The following NPC1 variants were observed in gnomAD, a reference collection of about 807,000 sequenced individuals.
The protein encoded by NPC1 is Niemann-Pick C1 protein.
In NPC1, 85 loss-of-function variants were observed where a neutral mutation model predicts 140.4. That is an observed-to-expected ratio of 0.61 (90% CI 0.51 to 0.72). The LOEUF is 0.72. NPC1 is among the 30% of genes least tolerant of loss of function. The pLI, the probability that NPC1 is intolerant of heterozygous loss-of-function variation, is 0.00. For missense variants in NPC1, 1,504 were observed against 1,623.8 expected (o/e 0.93, Z 1.27); for synonymous variants, 656 against 624.8 (o/e 1.05, Z -0.74).
At position 23,541,410 on chromosome 18, in the gene NPC1, C is replaced by T. The variant is rs777156729; in HGVS notation, c.2269G>A (p.Val757Met). 30 of 1,614,102 alleles carry T rather than the reference C, an allele frequency of 1.9e-5. No homozygotes were observed. In the Middle Eastern group the frequency reaches 6.6e-4, roughly 35 times the overall value. ...CCCGCAAAGAGAGAGAAGGTGTGCA[C>T]GGCTGGCATCACGGACAATGCTCCT... is the stretch of plus-strand genomic sequence containing the variant. ...FLGALSVMPA[V>M]HTFSLFAGLA... Residue 757 changes from valine to methionine, a missense_variant, in exon 15 of 25, where the codon GTG becomes ATG. Coordinates refer to ENST00000269228, the MANE Select transcript of NPC1 (RefSeq NM_000271.5).
intron 16 of NPC1, among the ~76,000 whole-genome samples, 189 bp downstream of exon 16, chr18:23,540,879 G>A (rs957174965): frequency 2.6e-5 from 4 of 152,044 alleles, no homozygotes; most frequent in Non-Finnish European, 5.9e-5. Context: ...TAAAACTCTT[G>A]TTTATATGGA....
chr18:23,545,015 A>G lies in NPC1; in HGVS notation c.1892T>C (p.Met631Thr), dbSNP rs2058768692. Residue 631 changes from methionine to threonine, a missense_variant, in exon 12 of 25, where the codon ATG becomes ACG. Coordinates refer to ENST00000269228, the MANE Select transcript of NPC1 (RefSeq NM_000271.5). ...VFTVVISYAIMFLYISLALGH... is the reference protein window; with the variant it reads ...VFTVVISYAITFLYISLALGH... ...CAAGGCTAGGGAAATATATAGAAAC[A>G]TGATGGCATAGCTAATTACAACGGT... The G allele has an allele frequency of 6.3e-7, 1 of 1,591,088 alleles. No homozygotes were observed. Among genetic ancestry groups the G allele is most frequent in the Non-Finnish European group, 8.6e-7 (1 of 1,165,918 alleles).
chr18:23,542,269 T>C (rs2058723647), intron 14 of NPC1, among the ~76,000 whole-genome samples: 1 of 151,866 alleles, frequency 6.6e-6, no homozygotes, highest in South Asian at 2.1e-4. Flanking sequence ...TTTTTTTTTT[T>C]TTTCTGCACC....
chr18:23,565,957 C>T (rs571117899), intron 4 of NPC1, among the ~76,000 whole-genome samples: 2 of 152,174 alleles, frequency 1.3e-5, no homozygotes, highest in South Asian at 4.1e-4. Flanking sequence ...CTGAGTAATT[C>T]CCTCGTATCT....
chr18:23,552,783 G>A (rs185930264), intron 9 of NPC1, among the ~76,000 whole-genome samples: 1 of 152,352 alleles, frequency 6.6e-6, no homozygotes, highest in African/African-American at 2.4e-5. Context: ...GTGACCTGCA[G>A]CGAGCAGCTG....
Position 23,556,446 on chromosome 18 carries a change from T to TTGTGACCCGGACAAACACCAGGCC in NPC1, c.1099_1122dup (p.Gly367_Thr374dup). On this transcript the variant is annotated inframe_insertion, in exon 8 of 25. Coordinates refer to ENST00000269228, the MANE Select transcript of NPC1 (RefSeq NM_000271.5). ...GCTGACCAGAGGTCAACTGGATTGGTTGTGACCCGGACAAACACCAGGCCT... is the reference window on the plus strand; with the variant it reads ...GCTGACCAGAGGTCAACTGGATTGGTTGTGACCCGGACAAACACCAGGCCTGTGACCCGGACAAACACCAGGCCT... The TTGTGACCCGGACAAACACCAGGCC allele has an allele frequency of 6.2e-7, 1 of 1,614,050 alleles. No homozygotes were observed. The highest frequency in any genetic ancestry group is 8.5e-7 in the Non-Finnish European group (1 of 1,180,004).
intron 10 of NPC1, among the ~76,000 whole-genome samples, chr18:23,549,977 T>G (rs1162607769): frequency 3.3e-5 from 5 of 151,770 alleles, no homozygotes; most frequent in African/African-American, 1.2e-4. Flanking sequence ...TCTTTATTTA[T>G]TAAGAAAATG....
intron 20 of NPC1, 66 bp from the exon 21 acceptor site, chr18:23,536,942 C>A: frequency 1.5e-6 from 2 of 1,379,150 alleles, no homozygotes; most frequent in Non-Finnish European, 2.0e-6. Context: ...AATCTGAGCA[C>A]TTGAGGCTAA....
intron 3 of NPC1, chr18:23,507,050 C>A (rs749537209): frequency 6.3e-7 from 1 of 1,597,754 alleles, no homozygotes; most frequent in Admixed American, 1.7e-5. Flanking sequence ...ACCTCAAAGA[C>A]TGTGGTAAGA....
Position 23,531,713 on chromosome 18 carries a change from G to A in NPC1, c.*489C>T. The A allele has an allele frequency of 6.3e-7, 1 of 1,599,842 alleles. No homozygotes were observed. The highest frequency in any genetic ancestry group is 8.5e-7 in the Non-Finnish European group (1 of 1,176,476). ...GGCCTACAACATTCTGAAATCACTT[G>A]CTGTTTTTTTATATAAAAATGTGTA... On this transcript the variant is annotated 3_prime_UTR_variant, in exon 25 of 25. Transcript: ENST00000269228.
chr18:23,540,558 T>TA lies in NPC1; in HGVS notation c.2515-22dup, dbSNP rs751722320. ...GCTATCTGGAACAACAAATGAATCATAAGACAGAGACTGCTTAGTAAATAA... is the reference window on the plus strand; with the variant it reads ...GCTATCTGGAACAACAAATGAATCATAAAGACAGAGACTGCTTAGTAAATAA... On this transcript the variant is annotated intron_variant, in intron 16 of 24. Transcript: ENST00000269228. The TA allele has an allele frequency of 1.1e-3, 1,703 of 1,522,952 alleles. 1 individual carries two copies. Among genetic ancestry groups the TA allele is most frequent in the Non-Finnish European group, 1.5e-3 (1,617 of 1,097,164 alleles). 94.3% of individuals were successfully genotyped at this position (1,522,952 alleles called of 1,614,324 possible).
chr18:23,545,479 G>A (rs964702695), intron 11 of NPC1, among the ~76,000 whole-genome samples: 1 of 152,212 alleles, frequency 6.6e-6, no homozygotes, highest in East Asian at 1.9e-4. Context: ...CTGACCTCAA[G>A]TGATCCACCT....
chr18:23,571,008 GAGC>G (rs1441306330), intron 3 of NPC1, among the ~76,000 whole-genome samples: 1 of 152,126 alleles, frequency 6.6e-6, no homozygotes, highest in Non-Finnish European at 1.5e-5. Context: ...CCAGGCACCT[GAGC>G]AGGACCCCTA....
intron 3 of NPC1, among the ~76,000 whole-genome samples, chr18:23,570,807 A>T (rs2059190665): frequency 6.6e-6 from 1 of 152,144 alleles, no homozygotes. Context: ...GTCATAGCCA[A>T]CAGAACAGAT....
intron 20 of NPC1, 57 bp downstream of exon 20, chr18:23,538,485 T>G (rs1253531710): frequency 1.7e-5 from 28 of 1,605,816 alleles, no homozygotes; most frequent in Non-Finnish European, 2.1e-5. Context: ...TCTCCTAGTT[T>G]TCTACTGCAA....
intron 20 of NPC1, 51 bp downstream of exon 20, chr18:23,538,491 T>A (rs373559428): frequency 5.9e-5 from 95 of 1,611,712 alleles, no homozygotes; most frequent in Non-Finnish European, 7.4e-5. Context: ...AGTTTTCTAC[T>A]GCAAATTAAA....
chr18:23,565,309 A>T (rs1374821964), intron 4 of NPC1, among the ~76,000 whole-genome samples: 2 of 152,184 alleles, frequency 1.3e-5, no homozygotes, highest in Admixed American at 1.3e-4. Flanking sequence ...CTTTCCATTT[A>T]TTTAGATCCT....
chr18:23,561,580 C>A, intron 4 of NPC1, 53 bp from the exon 5 acceptor site: 1 of 1,582,284 alleles, frequency 6.3e-7, no homozygotes, highest in Non-Finnish European at 8.7e-7. Context: ...CTGTAATTCA[C>A]GAGGCAAGAT....
At chr18:23,550,479 C>CTTCTTTTTTTTTTTTTTTTTT (rs746388624) in intron 10 of NPC1, among the ~76,000 whole-genome samples, 15 of 74,950 alleles carry the variant, frequency 2.0e-4, no homozygotes, top group African/African-American at 9.7e-4. Context: ...TCTTACATTT[C>CTTCTTTTTTTTTTTTTTTTTT]TTTTTTTTTT....
Sources: gnomAD v4.1 joint callset for allele counts (sites outside exome capture counted in the v4.1 genomes callset) on GRCh38, gnomAD v4.1.1 for gene constraint, MANE v1.5 for transcripts, NCBI Gene and HGNC (gene_info 2026-07-23, HGNC 2026-07-21) for gene names.